Variants in MIR2052HG observed in about 807,000 individuals in gnomAD.
The protein encoded by MIR2052HG is MIR2052 host gene.
intron 2 of MIR2052HG, among the ~76,000 whole-genome samples, chr8:74,659,343 CAT>C (rs1039250071): frequency 6.6e-6 from 1 of 152,162 alleles, no homozygotes; most frequent in African/African-American, 2.4e-5. Context: ...GAAAATTTCT[CAT>C]GTTTTGTGTC....
intron 5 of MIR2052HG, among the ~76,000 whole-genome samples, chr8:74,753,915 T>A (rs1809973974): frequency 6.6e-6 from 1 of 152,238 alleles, no homozygotes; most frequent in Non-Finnish European, 1.5e-5. Flanking sequence ...CCTATTGTGC[T>A]CTGACAATCT....
chr8:74,656,083 T>G (rs1808803475), intron 2 of MIR2052HG, among the ~76,000 whole-genome samples: 1 of 152,106 alleles, frequency 6.6e-6, no homozygotes, highest in Admixed American at 6.6e-5. Context: ...TCTCTCCCAT[T>G]TGGAATGGCT....
intron 4 of MIR2052HG, among the ~76,000 whole-genome samples, chr8:74,730,369 A>C (rs1368866958): frequency 6.6e-6 from 1 of 152,190 alleles, no homozygotes; most frequent in African/African-American, 2.4e-5. Flanking sequence ...AGGTTTTCTC[A>C]TGAGACAAAA....
At chr8:74,715,761 A>G (rs887108726) in intron 4 of MIR2052HG, among the ~76,000 whole-genome samples, 3 of 152,226 alleles carry the variant, frequency 2.0e-5, no homozygotes, top group Non-Finnish European at 2.9e-5. Context: ...GCAAAAAAGT[A>G]ATGTGTTGGT....
At chr8:74,687,208 G>A (rs1809189938) in intron 2 of MIR2052HG, among the ~76,000 whole-genome samples, 1 of 152,104 alleles carries the variant, frequency 6.6e-6, no homozygotes, top group Admixed American at 6.5e-5. Flanking sequence ...GTGTTGGTGG[G>A]GACTTCGAAG....
chr8:74,678,547 G>A (rs1809081149), intron 2 of MIR2052HG, among the ~76,000 whole-genome samples: 1 of 100,516 alleles, frequency 9.9e-6, no homozygotes, highest in African/African-American at 4.0e-5. Context: ...TGGGCGATAA[G>A]ATCTAGAGTT....
chr8:74,724,282 T>G (rs963720970), intron 4 of MIR2052HG, among the ~76,000 whole-genome samples: 1 of 152,186 alleles, frequency 6.6e-6, no homozygotes, highest in Non-Finnish European at 1.5e-5. Flanking sequence ...TGACATTTGC[T>G]TAATGCTTTC....
At chr8:74,601,570 C>T (rs1808001447) in intron 1 of MIR2052HG, among the ~76,000 whole-genome samples, 1 of 152,158 alleles carries the variant, frequency 6.6e-6, no homozygotes, top group Non-Finnish European at 1.5e-5. Context: ...ATTGATCAAA[C>T]TTTATATTGA....
At chr8:74,732,720 A>G (rs1809705113) in intron 4 of MIR2052HG, among the ~76,000 whole-genome samples, 1 of 152,212 alleles carries the variant, frequency 6.6e-6, no homozygotes, top group African/African-American at 2.4e-5. Context: ...GAATAAGGTA[A>G]AGGACTGTGC....
At chr8:74,712,715 A>G (rs1295254008) in intron 4 of MIR2052HG, among the ~76,000 whole-genome samples, 1 of 103,902 alleles carries the variant, frequency 9.6e-6, no homozygotes, top group Non-Finnish European at 2.0e-5. Context: ...TTTTTTTTTT[A>G]TAAATCTATT....
At chr8:74,720,655 A>G (rs1331475587) in intron 4 of MIR2052HG, among the ~76,000 whole-genome samples, 1 of 152,106 alleles carries the variant, frequency 6.6e-6, no homozygotes, top group Non-Finnish European at 1.5e-5. Context: ...GTTATGCTAG[A>G]GCCTTGCCTT....
chr8:74,662,954 A>G (rs1443955053), intron 2 of MIR2052HG, among the ~76,000 whole-genome samples: 1 of 152,032 alleles, frequency 6.6e-6, no homozygotes, highest in Non-Finnish European at 1.5e-5. Context: ...CTTTTTAAAG[A>G]TGCATGATAG....
intron 4 of MIR2052HG, among the ~76,000 whole-genome samples, chr8:74,717,172 T>C (rs1442350443): frequency 6.7e-6 from 1 of 149,700 alleles, no homozygotes; most frequent in Non-Finnish European, 1.5e-5. Context: ...CCCGACCCCC[T>C]GAAAGACCCT....
intron 4 of MIR2052HG, among the ~76,000 whole-genome samples, chr8:74,750,799 G>T (rs1406053380): frequency 3.9e-5 from 6 of 152,140 alleles, no homozygotes; most frequent in Admixed American, 6.5e-5. Flanking sequence ...TAATACATTT[G>T]TTATTAATGA....
At chr8:74,672,738 G>A (rs1809006371) in intron 2 of MIR2052HG, among the ~76,000 whole-genome samples, 1 of 151,984 alleles carries the variant, frequency 6.6e-6, no homozygotes, top group African/African-American at 2.4e-5. Context: ...AATATCTGCT[G>A]AATTCTGTTG....
chr8:74,693,606 G>C (rs13270723), intron 2 of MIR2052HG, among the ~76,000 whole-genome samples: 31,642 of 144,374 alleles, frequency 0.22, 4,596 homozygotes, highest in East Asian at 0.62. Flanking sequence ...TGCTATTGCG[G>C]GGGCGGGGGG....
chr8:74,626,907 T>G (rs1200822574), intron 2 of MIR2052HG, among the ~76,000 whole-genome samples: 1 of 152,240 alleles, frequency 6.6e-6, no homozygotes, highest in Non-Finnish European at 1.5e-5. Context: ...TTACTATTTT[T>G]CTTAGGAAAA....
intron 2 of MIR2052HG, among the ~76,000 whole-genome samples, chr8:74,619,254 A>G (rs546886676): frequency 8.7e-6 from 1 of 114,360 alleles, no homozygotes; most frequent in South Asian, 2.6e-4. Flanking sequence ...CATTTTTTAA[A>G]GAAATAAAAA....
chr8:74,655,047 C>T (rs1283400639), intron 2 of MIR2052HG, among the ~76,000 whole-genome samples: 2 of 152,036 alleles, frequency 1.3e-5, no homozygotes, highest in Admixed American at 1.3e-4. Flanking sequence ...TTTGCCCCCA[C>T]CCTAGAGATT....
Sources: allele counts gnomAD v4.1 joint callset (sites outside exome capture counted in the v4.1 genomes callset), GRCh38; gene constraint gnomAD v4.1.1; transcripts MANE v1.5; gene names NCBI Gene and HGNC (gene_info 2026-07-23, HGNC 2026-07-21).